CAMK4: variants seen among roughly 807,000 people sequenced by gnomAD.
CAMK4 encodes the protein calcium/calmodulin-dependent protein kinase type IV.
A neutral mutation model predicts 44.9 loss-of-function variants in CAMK4; 22 were observed. That is an observed-to-expected ratio of 0.49 (90% CI 0.35 to 0.70). The LOEUF (loss-of-function observed/expected upper bound fraction) is 0.70, where lower values mean the gene tolerates loss of function less well. CAMK4 is among the 30% of genes least tolerant of loss of function. The pLI is 0.01. For missense variants in CAMK4, 498 were observed against 586.8 expected (o/e 0.85, Z 1.56); for synonymous variants, 218 against 215.4 (o/e 1.01, Z -0.11).
intron 1 of CAMK4, among the ~76,000 whole-genome samples, chr5:111,277,798 G>A (rs1750838693): frequency 6.6e-6 from 1 of 151,728 alleles, no homozygotes; most frequent in Non-Finnish European, 1.5e-5. Context: ...GATGTTTAAG[G>A]GACCAAATGA....
chr5:111,308,390 G>A (rs577664460), intron 1 of CAMK4, among the ~76,000 whole-genome samples: 22 of 152,254 alleles, frequency 1.4e-4, no homozygotes, highest in Non-Finnish European at 2.6e-4. Flanking sequence ...TATAAAATAG[G>A]TGGTGGTAAT....
chr5:111,292,309 T>C (rs1261494422), intron 1 of CAMK4, among the ~76,000 whole-genome samples: 1 of 152,212 alleles, frequency 6.6e-6, no homozygotes, highest in South Asian at 2.1e-4. Flanking sequence ...TTAAAACTTA[T>C]TTTTCAAACT....
intron 5 of CAMK4, among the ~76,000 whole-genome samples, chr5:111,436,606 T>G (rs1753655778): frequency 6.6e-6 from 1 of 152,224 alleles, no homozygotes; most frequent in Non-Finnish European, 1.5e-5. Flanking sequence ...AGCAGCAACC[T>G]TGGCCATCTT....
At chr5:111,386,770 C>A (rs552893303) in intron 4 of CAMK4, among the ~76,000 whole-genome samples, 1 of 152,326 alleles carries the variant, frequency 6.6e-6, no homozygotes, top group South Asian at 2.1e-4. Flanking sequence ...TGTAAGAGAG[C>A]CTGTTGAAGC....
At chr5:111,477,284 T>C (rs551395866) in intron 8 of CAMK4, among the ~76,000 whole-genome samples, 1 of 152,322 alleles carries the variant, frequency 6.6e-6, no homozygotes, top group Non-Finnish European at 1.5e-5. Flanking sequence ...ACAAACATTC[T>C]CCCAGTGGGA....
At chr5:111,446,088 A>G (rs1465075813) in intron 5 of CAMK4, among the ~76,000 whole-genome samples, 2 of 152,352 alleles carry the variant, frequency 1.3e-5, no homozygotes, top group East Asian at 3.9e-4. Flanking sequence ...GATCTTTGAG[A>G]TTCATCTCAA....
intron 5 of CAMK4, among the ~76,000 whole-genome samples, chr5:111,423,669 C>A (rs1035097066): frequency 6.6e-6 from 1 of 152,198 alleles, no homozygotes; most frequent in African/African-American, 2.4e-5. Flanking sequence ...GAGGGAGAGC[C>A]TTGTTACACA....
At chr5:111,447,330 G>A (rs921084690) in intron 6 of CAMK4, among the ~76,000 whole-genome samples, 1 of 152,096 alleles carries the variant, frequency 6.6e-6, no homozygotes, top group African/African-American at 2.4e-5. Flanking sequence ...GAAATGCTAT[G>A]GCTGATCAAC....
In CAMK4 at chr5:111,484,377, G is replaced by A; in HGVS notation, c.1333G>A (p.Glu445Lys). 6.2e-7 allele frequency: 1 copy of A among 1,600,092 alleles called. No homozygotes were observed. The highest frequency in any genetic ancestry group is 8.5e-7 in the Non-Finnish European group (1 of 1,173,630). The change falls in exon 11 of 11, where the codon GAG becomes AAG. Residue 445 changes from glutamate (E) to lysine (K), a missense_variant. Physicochemically the swap from Glu to Lys is moderately conservative, Grantham distance 56 (BLOSUM62 1). Coordinates refer to ENST00000282356, the MANE Select transcript of CAMK4 (RefSeq NM_001744.6). The surrounding 1 kb of genome is among the most constrained non-coding windows in gnomAD (Gnocchi z 5.3). ...GLAEEKLKTVEEAAAPREGQG... is the reference protein window; with the variant it reads ...GLAEEKLKTVKEAAAPREGQG... Reference sequence around the variant, plus strand: ...AGCAGAGGAGAAGCTGAAGACTGTGGAGGAGGCAGCAGCTCCCAGAGAAGG... The same window carrying A: ...AGCAGAGGAGAAGCTGAAGACTGTGAAGGAGGCAGCAGCTCCCAGAGAAGG...
intron 5 of CAMK4, among the ~76,000 whole-genome samples, chr5:111,396,883 C>T (rs184959174): frequency 9.9e-4 from 151 of 152,066 alleles, no homozygotes; most frequent in Non-Finnish European, 1.5e-3. Flanking sequence ...TCAGGAAATC[C>T]ACCCACCTTG....
chr5:111,411,816 T>A (rs573268929), intron 5 of CAMK4, among the ~76,000 whole-genome samples: 20 of 152,264 alleles, frequency 1.3e-4, no homozygotes, highest in Admixed American at 3.9e-4. Flanking sequence ...TTTCAAAATA[T>A]CCTAAAATAC....
chr5:111,250,790 A>G (rs1749452749), intron 1 of CAMK4, among the ~76,000 whole-genome samples: 2 of 152,076 alleles, frequency 1.3e-5, no homozygotes, highest in South Asian at 4.2e-4. Context: ...CTGAGCCCCT[A>G]CCCTTCAGTT....
intron 5 of CAMK4, among the ~76,000 whole-genome samples, chr5:111,409,255 G>T (rs1479969964): frequency 6.6e-6 from 1 of 152,224 alleles, no homozygotes; most frequent in Admixed American, 6.5e-5. Context: ...CTAGGTGGAG[G>T]TTCCCAACCT....
chr5:111,338,586 C>T (rs1478311205), intron 1 of CAMK4, among the ~76,000 whole-genome samples: 1 of 151,220 alleles, frequency 6.6e-6, no homozygotes, highest in Non-Finnish European at 1.5e-5. Flanking sequence ...TTCTAGGATT[C>T]TTAAAGCTTG....
Position 111,273,702 on chromosome 5 carries a change from T to C in CAMK4, c.161+49058T>C, listed in dbSNP as rs1464260986. The stretch of plus-strand genomic sequence containing the variant: ...TTATATATATATATATATATATATA[T>C]ATATATATATATATATACACACACA... On this transcript the variant is annotated intron_variant, in intron 1 of 10. Coordinates refer to ENST00000282356, the MANE Select transcript of CAMK4 (RefSeq NM_001744.6). 7.3e-5 allele frequency among the ~76,000 whole-genome samples: 4 copies of C among 54,608 alleles called. No homozygotes were observed. The South Asian group carries it at 3.7e-3, about 51-fold the overall frequency. The allele number at this position is 54,608 out of a possible 152,430, so 35.8% of individuals were successfully genotyped here. A position where few individuals can be genotyped will look rare whatever the true frequency, so the allele number is the denominator to read the frequency against.
rs182091277 is a variant in CAMK4, at chr5:111,310,132, A to G, written c.162-33892A>G. Among the ~76,000 whole-genome samples the G allele has an allele frequency of 1.9e-4, 29 of 151,990 alleles. 1 individual carries two copies. The highest frequency in any genetic ancestry group is 6.8e-4 in the African/African-American group (28 of 41,290). ...GCATATTCAACCTCGTTTTGGGGGTAGAGTTGACTTAACTGTGCTCCTCCG... is the reference window on the plus strand; with the variant it reads ...GCATATTCAACCTCGTTTTGGGGGTGGAGTTGACTTAACTGTGCTCCTCCG... On this transcript the variant is annotated intron_variant, in intron 1 of 10. Coordinates refer to ENST00000282356, the MANE Select transcript of CAMK4 (RefSeq NM_001744.6).
At chr5:111,471,731 G>T (rs1755073345) in intron 7 of CAMK4, among the ~76,000 whole-genome samples, 1 of 152,096 alleles carries the variant, frequency 6.6e-6, no homozygotes, top group Non-Finnish European at 1.5e-5. Context: ...ACCTTTTGAA[G>T]ACTCCTCATA....
chr5:111,439,840 G>A (rs1753765685), intron 5 of CAMK4, among the ~76,000 whole-genome samples: 2 of 152,190 alleles, frequency 1.3e-5, no homozygotes, highest in African/African-American at 2.4e-5. Context: ...AAGCCAGGCT[G>A]CTGATGCCAG....
intron 1 of CAMK4, among the ~76,000 whole-genome samples, chr5:111,336,441 A>T (rs1749405844): frequency 6.7e-6 from 1 of 150,360 alleles, no homozygotes; most frequent in Non-Finnish European, 1.5e-5. Flanking sequence ...ATATTTACAC[A>T]CTTAAGTCAA....
Sources: gnomAD v4.1 joint callset for allele counts (sites outside exome capture counted in the v4.1 genomes callset) on GRCh38, gnomAD v4.1.1 for gene constraint, Gnocchi (gnomAD v3.1) non-coding constraint, MANE v1.5 for transcripts, NCBI Gene and HGNC (gene_info 2026-07-23, HGNC 2026-07-21) for gene names.